PCLAF: variants seen among roughly 807,000 people sequenced by gnomAD.
The protein encoded by PCLAF is PCNA clamp associated factor.
In PCLAF, 12 loss-of-function variants were observed where a neutral mutation model predicts 15.1. That is an observed-to-expected ratio of 0.79 (90% CI 0.51 to 1.29). The LOEUF is 1.29. Among genes scored for constraint, PCLAF ranks in the 50% most tolerant of loss-of-function variants. PCLAF has a pLI of 0.00. For missense variants in PCLAF, 116 were observed against 130.9 expected, an observed-to-expected ratio of 0.89 and a Z score of 0.56; for synonymous variants, 33 against 47.1, an observed-to-expected ratio of 0.70 and a Z score of 1.22.
upstream of PCLAF, chr15:64,382,456 A>C (rs1899848399): frequency 6.2e-6 from 1 of 160,144 alleles, no homozygotes; most frequent in South Asian, 1.7e-4. Flanking sequence ...AAAAGAAAGA[A>C]AGAAAAGAAA....
chr15:64,384,926 G>A (rs1371312233), upstream of PCLAF, among the ~76,000 whole-genome samples: 1 of 151,852 alleles, frequency 6.6e-6, no homozygotes, highest in Admixed American at 6.6e-5. Flanking sequence ...TTGAGACAGG[G>A]TCTCACTCTG....
intron 3 of PCLAF, among the ~76,000 whole-genome samples, chr15:64,366,304 A>G (rs1899028627): frequency 6.6e-6 from 1 of 152,224 alleles, no homozygotes; most frequent in African/African-American, 2.4e-5. Flanking sequence ...TTGCAGAATC[A>G]GTGTTTCTCC....
chr15:64,366,005 T>G lies in PCLAF; in HGVS notation c.*25A>C. 1.3e-6 allele frequency: 2 copies of G among 1,578,446 alleles called. No individual in the cohort carries two copies. The highest frequency in any genetic ancestry group is 4.5e-5 in the East Asian group (2 of 44,504). The stretch of plus-strand genomic sequence containing the variant: ...GAATACCAGGGTAAACAAGGAGACG[T>G]TATTCAAAGATGAATGAGAAAGTTC... On this transcript the variant is annotated 3_prime_UTR_variant, in exon 4 of 4. Transcript: ENST00000300035.
rs116423640 is a variant in PCLAF, at chr15:64,366,350, T to C, written c.291-275A>G. On this transcript the variant is annotated intron_variant, in intron 3 of 3. Transcript: ENST00000300035. Reference sequence around the variant, plus strand: ...GTTGTAATTTTTATTAAAAAAAGAATCTATTTATATAGCATATTATTTCAA... The same window carrying C: ...GTTGTAATTTTTATTAAAAAAAGAACCTATTTATATAGCATATTATTTCAA... Among the ~76,000 whole-genome samples the C allele has an allele frequency of 3.9e-3, 593 of 152,328 alleles. 4 individuals carry two copies. Among genetic ancestry groups the C allele is most frequent in the African/African-American group, 0.014 (573 of 41,578 alleles).
intron 2 of PCLAF, among the ~76,000 whole-genome samples, chr15:64,377,877 G>A (rs146282431): frequency 0.022 from 3,297 of 146,668 alleles, 115 homozygotes; most frequent in African/African-American, 0.079. Context: ...TCAGCCTCCC[G>A]AGTAGCAGGG....
At chr15:64,367,761 G>A (rs1228663227) in intron 3 of PCLAF, among the ~76,000 whole-genome samples, 1 of 151,650 alleles carries the variant, frequency 6.6e-6, no homozygotes. Context: ...TGTTGGCAAG[G>A]ATGGTCTTGG....
chr15:64,381,121 G>A, intron 1 of PCLAF, 83 bp from the exon 2 acceptor site: 1 of 1,384,368 alleles, frequency 7.2e-7, no homozygotes, highest in South Asian at 1.2e-5. Flanking sequence ...GCTTGGAGAG[G>A]AGAGCCTGGC....
chr15:64,377,726 A>G (rs1205583609), intron 2 of PCLAF, among the ~76,000 whole-genome samples: 2 of 143,772 alleles, frequency 1.4e-5, no homozygotes, highest in East Asian at 4.1e-4. Context: ...TTCAGTTCAT[A>G]AGAGAAGTCC....
chr15:64,384,261 G>T (rs1899890799), upstream of PCLAF, among the ~76,000 whole-genome samples: 1 of 152,090 alleles, frequency 6.6e-6, no homozygotes, highest in Non-Finnish European at 1.5e-5. Flanking sequence ...AGCCGCCCAT[G>T]TAGCTGGGAT....
In PCLAF at chr15:64,374,729, C is replaced by T. The variant is rs566079623; in HGVS notation, c.290+2014G>A. Among the ~76,000 whole-genome samples, 6 of 151,834 alleles carry T rather than the reference C, an allele frequency of 4.0e-5. No individual in the cohort carries two copies. In the East Asian group the frequency reaches 1.2e-3, roughly 29 times the overall value. ...AACTCCATGGCACATGCCTGTAATT[C>T]CAGCTACTTGGAAGGCTGAGGTGGG... On this transcript the variant is annotated intron_variant, in intron 3 of 3. Transcript: ENST00000300035.
chr15:64,377,598 ATGTAG>A (rs1464697042), intron 2 of PCLAF, among the ~76,000 whole-genome samples: 2 of 138,208 alleles, frequency 1.4e-5, no homozygotes, highest in Non-Finnish European at 3.1e-5. Flanking sequence ...AGATAGGACC[ATGTAG>A]TATAAAGTGC....
At chr15:64,372,875 A>G (rs1156365377) in intron 3 of PCLAF, among the ~76,000 whole-genome samples, 3 of 149,766 alleles carry the variant, frequency 2.0e-5, no homozygotes, top group African/African-American at 7.4e-5. Context: ...AGAAAGGCAC[A>G]AAAATCGCTT....
chr15:64,366,089 A>G lies in PCLAF; in HGVS notation c.291-14T>C. ...AAAGGACATGCTCTGTGAAAAGAAG[A>G]GAGAACATCAATAGCCATCCAAGTA... On this transcript the variant is annotated splice_polypyrimidine_tract_variant and intron_variant, in intron 3 of 3. Transcript: ENST00000300035. 3 of 1,602,472 alleles carry G rather than the reference A, an allele frequency of 1.9e-6. No homozygotes were observed. The highest frequency in any genetic ancestry group is 2.3e-5 in the South Asian group (2 of 88,808).
intron 3 of PCLAF, among the ~76,000 whole-genome samples, chr15:64,374,281 C>T (rs1354845187): frequency 6.6e-6 from 1 of 152,120 alleles, no homozygotes; most frequent in Non-Finnish European, 1.5e-5. Context: ...GTTGCACTCG[C>T]CTGTAATCCC....
chr15:64,380,411 A>C (rs1033451870), intron 2 of PCLAF, among the ~76,000 whole-genome samples: 1 of 151,912 alleles, frequency 6.6e-6, no homozygotes, highest in Non-Finnish European at 1.5e-5. Context: ...AAAAAGGAAA[A>C]TACTAAACCA....
chr15:64,377,618 A>G (rs2140530267), intron 2 of PCLAF, among the ~76,000 whole-genome samples: 1 of 142,840 alleles, frequency 7.0e-6, no homozygotes, highest in Middle Eastern at 3.6e-3. Flanking sequence ...AAGTGCCAAC[A>G]TTTTACTTAC....
chr15:64,379,463 AGAGT>A (rs1430163425), intron 2 of PCLAF, among the ~76,000 whole-genome samples: 1 of 151,828 alleles, frequency 6.6e-6, no homozygotes, highest in Non-Finnish European at 1.5e-5. Flanking sequence ...CCTGGGCAAC[AGAGT>A]GAGACCCTGT....
At position 64,372,381 on chromosome 15, in the gene PCLAF, G is replaced by A. The variant is rs554951553; in HGVS notation, c.290+4362C>T. 3.9e-5 allele frequency among the ~76,000 whole-genome samples: 6 copies of A among 152,218 alleles called. No individual in the cohort carries two copies. In the East Asian group the frequency reaches 1.2e-3, roughly 29 times the overall value. On this transcript the variant is annotated intron_variant, in intron 3 of 3. Coordinates refer to ENST00000300035, the MANE Select transcript of PCLAF (RefSeq NM_014736.6). ...TGTAATCCCAGCACTTTGGGAGGCCGAGGCGGGTGGATCACAAGGTCAGGA... is the reference window on the plus strand; with the variant it reads ...TGTAATCCCAGCACTTTGGGAGGCCAAGGCGGGTGGATCACAAGGTCAGGA...
chr15:64,371,425 C>G (rs1899309151), intron 3 of PCLAF, among the ~76,000 whole-genome samples: 1 of 152,052 alleles, frequency 6.6e-6, no homozygotes, highest in South Asian at 2.1e-4. Context: ...ACCACCACGC[C>G]CAGTTAATAT....
Sources: allele counts gnomAD v4.1 joint callset (sites outside exome capture counted in the v4.1 genomes callset), GRCh38; gene constraint gnomAD v4.1.1; transcripts MANE v1.5; gene names NCBI Gene and HGNC (gene_info 2026-07-23, HGNC 2026-07-21).